The following SH3TC1 variants were observed in gnomAD, a reference collection of about 807,000 sequenced individuals.
SH3TC1 encodes the protein SH3 domain and tetratricopeptide repeats 1, also known as SH3 domain and tetratricopeptide repeat-containing protein 1.
Under a neutral mutation model 117.3 loss-of-function variants are expected in SH3TC1, and 135 were observed. The observed-to-expected ratio is 1.15, with a 90% confidence interval of 1.00 to 1.33. SH3TC1 has a LOEUF of 1.33. Ranked by LOEUF, SH3TC1 falls within the 40% of genes most tolerant of loss-of-function variation. The pLI is 0.00. For missense variants in SH3TC1, 2,092 were observed against 1,794.3 expected, an observed-to-expected ratio of 1.17 and a Z score of -3.00; for synonymous variants, 898 against 816.9, an observed-to-expected ratio of 1.10 and a Z score of -1.69.
chr4:8,237,253 G>A, intron 16 of SH3TC1: 1 of 473,986 alleles, frequency 2.1e-6, no homozygotes. Context: ...CACAGAGCTG[G>A]GCCATCCAAG....
rs1203729634 is a variant in SH3TC1, at chr4:8,192,430, C to T, written c.-57+10220C>T. Among the ~76,000 whole-genome samples, 1 of 149,882 alleles carries T rather than the reference C, an allele frequency of 6.7e-6. No individual in the cohort carries two copies. Among genetic ancestry groups the T allele is most frequent in the Non-Finnish European group, 1.5e-5 (1 of 67,356 alleles). ...CCTGAAGGTTGTAAATTACAATCTTCTTATCCAACCACTTGTCTTTATTTT... is the reference window on the plus strand; with the variant it reads ...CCTGAAGGTTGTAAATTACAATCTTTTTATCCAACCACTTGTCTTTATTTT... On this transcript the variant is annotated intron_variant, in intron 1 of 16. Coordinates refer to the SH3TC1 transcript ENST00000508641. This position sits in a 1 kb window ranked among gnomAD's most constrained non-coding sequence, Gnocchi z 4.1.
chr4:8,209,590 C>T lies in SH3TC1; in HGVS notation c.173-158C>T, dbSNP rs200754360. 1 of 1,523,068 alleles carries T rather than the reference C, an allele frequency of 6.6e-7. No homozygotes were observed. The highest frequency in any genetic ancestry group is 1.4e-5 in the African/African-American group (1 of 72,734). 94.3% of individuals were successfully genotyped at this position (1,523,068 alleles called of 1,614,324 possible). On this transcript the variant is annotated intron_variant, in intron 2 of 17. Transcript: ENST00000245105. This position sits in a 1 kb window ranked among gnomAD's most constrained non-coding sequence, Gnocchi z 5.9. Reference sequence around the variant, plus strand: ...GCAGGCAGCTTCCCTCCTTGCTGGGCTCTGGGGAGACTGGAGGAAGGCAGC... The same window carrying T: ...GCAGGCAGCTTCCCTCCTTGCTGGGTTCTGGGGAGACTGGAGGAAGGCAGC...
chr4:8,214,713 T>C (rs35002332), intron 5 of SH3TC1, 133 bp downstream of exon 5: 141,050 of 739,528 alleles, frequency 0.19, 14,348 homozygotes, highest in Admixed American at 0.29. Context: ...AGACGAAGTC[T>C]TGCTCTGTCG....
At position 8,232,173 on chromosome 4, in the gene SH3TC1, T is replaced by C; in HGVS notation, c.3131+17T>C. ...CACCGAGCGGTGAGGGCTGGCTCTG[T>C]GGTGGTGGGGGCGGGGGGAGGGGGC... On this transcript the variant is annotated intron_variant, in intron 13 of 17. Transcript: ENST00000245105. 3 of 264,056 alleles carry C rather than the reference T, an allele frequency of 1.1e-5. No individual in the cohort carries two copies. The highest frequency in any genetic ancestry group is 1.6e-5 in the Non-Finnish European group (3 of 189,248). 16.4% of individuals were successfully genotyped at this position (264,056 alleles called of 1,614,324 possible).
intron 1 of SH3TC1, chr4:8,204,953 C>T: frequency 5.2e-6 from 2 of 383,930 alleles, no homozygotes; most frequent in Non-Finnish European, 9.2e-6. Context: ...GAAGGGAGCA[C>T]AGCAAACCCG....
At chr4:8,218,620 C>T (rs1248594183) in intron 8 of SH3TC1, among the ~76,000 whole-genome samples, 1 of 152,232 alleles carries the variant, frequency 6.6e-6, no homozygotes, top group East Asian at 1.9e-4. Context: ...TGAAGCTGCA[C>T]CAGGGCCCCC....
intron 10 of SH3TC1, chr4:8,224,553 G>A (rs987567051): frequency 2.0e-5 from 3 of 152,532 alleles, no homozygotes; most frequent in African/African-American, 7.2e-5. Flanking sequence ...TGTTATCGCA[G>A]TTCACAGCGC....
intron 11 of SH3TC1, 41 bp from the exon 12 acceptor site, chr4:8,226,939 T>C: frequency 6.8e-7 from 1 of 1,465,554 alleles, no homozygotes; most frequent in South Asian, 1.4e-5. Flanking sequence ...CAGGACTCAC[T>C]GCTGGACTCT....
chr4:8,237,138 T>G (rs930643371), intron 16 of SH3TC1: 19 of 290,558 alleles, frequency 6.5e-5, no homozygotes, highest in Middle Eastern at 1.9e-3. Flanking sequence ...GGATGTCATG[T>G]CTGTGGGTTG....
In SH3TC1 at chr4:8,225,412, G is replaced by T. The variant is rs551293101; in HGVS notation, c.1285+196G>T. 6.6e-6 allele frequency among the ~76,000 whole-genome samples: 1 copy of T among 152,256 alleles called. No individual in the cohort carries two copies. Among genetic ancestry groups the T allele is most frequent in the South Asian group, 2.1e-4 (1 of 4,816 alleles). On this transcript the variant is annotated intron_variant, in intron 11 of 17. Transcript: ENST00000245105. This position sits in a 1 kb window ranked among gnomAD's most constrained non-coding sequence, Gnocchi z 5.5. ...TCCACTGTGGCACTGGAGGCCGTGG[G>T]GTCCCGCACTTCTTCCAATGAACAT...
rs1359602248 is a variant in SH3TC1 at position 8,183,937 on chromosome 4, A to G, written c.-57+1727A>G. On this transcript the variant is annotated intron_variant, in intron 1 of 16. Transcript: ENST00000508641. This position sits in a 1 kb window ranked among gnomAD's most constrained non-coding sequence, Gnocchi z 5.4. Reference sequence around the variant, plus strand: ...CAACTAATTTTTGTATTTTTAGTAGATACGGGGTTTCACCATGTTGGCCAG... The same window carrying G: ...CAACTAATTTTTGTATTTTTAGTAGGTACGGGGTTTCACCATGTTGGCCAG... Among the ~76,000 whole-genome samples the G allele has an allele frequency of 1.3e-5, 2 of 152,112 alleles. No homozygotes were observed. Among genetic ancestry groups the G allele is most frequent in the Non-Finnish European group, 2.9e-5 (2 of 68,026 alleles).
chr4:8,231,168 G>A (rs1474032992), intron 12 of SH3TC1: 3 of 152,278 alleles, frequency 2.0e-5, no homozygotes, highest in Non-Finnish European at 2.9e-5. Context: ...GTTTAGGAGT[G>A]TGTCATTTCC....
chr4:8,211,668 C>T (rs945681937), intron 3 of SH3TC1, among the ~76,000 whole-genome samples: 4 of 151,412 alleles, frequency 2.6e-5, no homozygotes, highest in Admixed American at 6.6e-5. Flanking sequence ...TTTTTCTCAG[C>T]GTCTCCAGGC....
intron 1 of SH3TC1, among the ~76,000 whole-genome samples, chr4:8,182,434 T>A (rs1386551760): frequency 2.0e-5 from 3 of 152,042 alleles, no homozygotes; most frequent in African/African-American, 4.8e-5. Flanking sequence ...GGTGTTCCCA[T>A]GTATGAGAAA....
rs749942431 is a variant in SH3TC1 at position 8,192,845 on chromosome 4, C to T, written c.-57+10635C>T. Among the ~76,000 whole-genome samples the T allele has an allele frequency of 6.6e-5, 10 of 152,170 alleles. No homozygotes were observed. Among genetic ancestry groups the T allele is most frequent in the Non-Finnish European group, 1.0e-4 (7 of 68,046 alleles). On this transcript the variant is annotated intron_variant, in intron 1 of 16. Coordinates refer to the SH3TC1 transcript ENST00000508641. This position sits in a 1 kb window ranked among gnomAD's most constrained non-coding sequence, Gnocchi z 4.1. ...CTGCTCCGAGTTTAGGTTCATGTCG[C>T]CACCTGGTGATTGGCTTCTCTGTGC...
At position 8,227,926 on chromosome 4, in the gene SH3TC1, G is replaced by T. The variant is rs569351032; in HGVS notation, c.2232G>T (p.Ser744=). The change falls in exon 12 of 18, where the codon TCG becomes TCT. Residue 744 remains serine, a synonymous_variant. Coordinates refer to ENST00000245105, the MANE Select transcript of SH3TC1 (RefSeq NM_018986.5). ...GGACACGGGGCTCGCTGGCCGGCTC[G>T]CTGAGGAGTGTGAACCTGGTGCTCC... ...SLRTRGSLAG[S]LRSVNLVLQN... 1 of 1,612,608 alleles carries T rather than the reference G, an allele frequency of 6.2e-7. No homozygotes were observed. Among genetic ancestry groups the T allele is most frequent in the Admixed American group, 1.7e-5 (1 of 60,018 alleles).
rs1416459104 is a variant in SH3TC1, at chr4:8,225,952, CCAGGGTAATAGCTGGGAGGGG to C, written c.1285+738_1285+758del. ...CGAGTGACTCCAGCTGCCCCCAAGGCCAGGGTAATAGCTGGGAGGGGCTGTTTGCCTCTGCCGGGCAGGGAG... is the reference window on the plus strand; with the variant it reads ...CGAGTGACTCCAGCTGCCCCCAAGGCCTGTTTGCCTCTGCCGGGCAGGGAG... On this transcript the variant is annotated intron_variant, in intron 11 of 17. Transcript: ENST00000245105. This position sits in a 1 kb window ranked among gnomAD's most constrained non-coding sequence, Gnocchi z 5.5. Among the ~76,000 whole-genome samples, 1 of 152,056 alleles carries C rather than the reference CCAGGGTAATAGCTGGGAGGGG, an allele frequency of 6.6e-6. No individual in the cohort carries two copies. The highest frequency in any genetic ancestry group is 6.6e-5 in the Admixed American group (1 of 15,266).
intron 5 of SH3TC1, among the ~76,000 whole-genome samples, chr4:8,215,471 G>A (rs1463737457): frequency 6.6e-6 from 1 of 152,184 alleles, no homozygotes; most frequent in Non-Finnish European, 1.5e-5. Flanking sequence ...ATCTGTGGCT[G>A]CCCATCCACA....
At position 8,228,531 on chromosome 4, in the gene SH3TC1, C is replaced by A. The variant is rs200760000; in HGVS notation, c.2837C>A (p.Thr946Asn). ...LPLGECGRDF[T>N]HVLLQLGHLC... is the part of the protein sequence containing the mutation. Reference sequence around the variant, plus strand: ...CTTGGGGAGTGTGGCCGGGACTTCACCCACGTGCTCCTGCAGCTGGGCCAT... The same window carrying A: ...CTTGGGGAGTGTGGCCGGGACTTCAACCACGTGCTCCTGCAGCTGGGCCAT... The change falls in exon 12 of 18, where the codon ACC becomes AAC. Residue 946 changes from threonine (T) to asparagine (N), a missense_variant. Physicochemically the swap from Thr to Asn is moderately conservative, Grantham distance 65. Transcript: ENST00000245105. The A allele has an allele frequency of 3.8e-5, 62 of 1,611,086 alleles. No individual in the cohort carries two copies. In the Admixed American group the frequency reaches 6.5e-4, roughly 17 times the overall value.
Sources: allele counts gnomAD v4.1 joint callset (sites outside exome capture counted in the v4.1 genomes callset), GRCh38; gene constraint gnomAD v4.1.1; non-coding constraint Gnocchi (gnomAD v3.1); transcripts MANE v1.5; gene names NCBI Gene and HGNC (gene_info 2026-07-23, HGNC 2026-07-21).